Variants in GTF2IRD1 observed in about 807,000 individuals in gnomAD.
GTF2IRD1 encodes the protein GTF2I repeat domain containing 1.
In GTF2IRD1, 26 loss-of-function variants were observed where a neutral mutation model predicts 113.2. The observed-to-expected ratio is 0.23, with a 90% CI of 0.17 to 0.32. The LOEUF is 0.32. Among genes scored for constraint, GTF2IRD1 ranks in the 10% least tolerant of loss-of-function variants. The pLI, the probability that GTF2IRD1 is intolerant of heterozygous loss-of-function variation, is 1.00. For missense variants in GTF2IRD1, 864 were observed against 1,280.8 expected, an observed-to-expected ratio of 0.67 and a Z score of 4.97; for synonymous variants, 484 against 529.1, an observed-to-expected ratio of 0.91 and a Z score of 1.17.
chr7:74,549,640 A>G (rs140182515), intron 17 of GTF2IRD1, among the ~76,000 whole-genome samples: 1 of 152,234 alleles, frequency 6.6e-6, no homozygotes, highest in African/African-American at 2.4e-5. Flanking sequence ...GTCTGGGCAT[A>G]TTAAAAGGAA....
At chr7:74,568,374 C>A (rs1454787806) in intron 22 of GTF2IRD1, among the ~76,000 whole-genome samples, 1 of 139,646 alleles carries the variant, frequency 7.2e-6, no homozygotes, top group Non-Finnish European at 1.5e-5. Context: ...AAGGGCCGGG[C>A]GTGGTGGCTC....
rs1202885978 is a variant in GTF2IRD1 at position 74,568,756 on chromosome 7, CAG to C, written c.2320+9102_2320+9103del. ...GCCTGCTCCTTCTCTCAGGGAGGGA[CAG>C]GGGAGGGTGATGAGTCAGTGGACTA... On this transcript the variant is annotated intron_variant, in intron 22 of 26. Transcript: ENST00000424337. Among the ~76,000 whole-genome samples the C allele has an allele frequency of 5.9e-5, 9 of 152,244 alleles. No individual in the cohort carries two copies. In the East Asian group the frequency reaches 1.4e-3, roughly 23 times the overall value.
At chr7:74,601,423 G>A (rs1027277623) in intron 26 of GTF2IRD1, 2 of 1,472,240 alleles carry the variant, frequency 1.4e-6, no homozygotes, top group East Asian at 2.5e-5. Flanking sequence ...TGGGCAGATG[G>A]GCCGGCTGAG....
chr7:74,462,856 G>A (rs1010712148), intron 1 of GTF2IRD1, among the ~76,000 whole-genome samples: 1 of 152,222 alleles, frequency 6.6e-6, no homozygotes, highest in East Asian at 1.9e-4. Context: ...GCTGCCCTCC[G>A]GGCCTCTGGC....
intron 5 of GTF2IRD1, among the ~76,000 whole-genome samples, chr7:74,518,569 C>T (rs587714774): frequency 2.3e-4 from 35 of 152,276 alleles, no homozygotes; most frequent in African/African-American, 7.2e-4. Context: ...CTTGAAGAGA[C>T]ATGACTTGGG....
At chr7:74,538,851 A>T (rs1798462555) in intron 13 of GTF2IRD1, 91 bp downstream of exon 13, 2 of 730,500 alleles carry the variant, frequency 2.7e-6, no homozygotes, top group Admixed American at 4.4e-5. Flanking sequence ...AGTGGCCTCC[A>T]GGCCGCTGTT....
At chr7:74,549,293 ACT>A (rs1309545712) in intron 17 of GTF2IRD1, among the ~76,000 whole-genome samples, 41 of 141,144 alleles carry the variant, frequency 2.9e-4, no homozygotes, top group African/African-American at 9.1e-4. Context: ...ACAGAGCAAG[ACT>A]CTGTCTCAAA....
intron 5 of GTF2IRD1, 98 bp downstream of exon 5, chr7:74,518,420 G>A: frequency 2.1e-6 from 2 of 949,420 alleles, no homozygotes; most frequent in South Asian, 1.8e-5. Context: ...GAAGGGACTT[G>A]AGATGCCCGT....
chr7:74,567,156 C>T (rs1380343931), intron 22 of GTF2IRD1, among the ~76,000 whole-genome samples: 6 of 151,870 alleles, frequency 4.0e-5, no homozygotes, highest in African/African-American at 1.5e-4. Flanking sequence ...GGTGAAACCC[C>T]GTCTCTACTA....
At chr7:74,535,022 A>C in intron 9 of GTF2IRD1, 91 bp from the exon 10 acceptor site, 1 of 1,049,404 alleles carries the variant, frequency 9.5e-7, no homozygotes, top group Non-Finnish European at 1.5e-6. Context: ...CTCAGTGACC[A>C]TCACCAAAGG....
chr7:74,492,373 T>C lies in GTF2IRD1; in HGVS notation c.-6-15702T>C, dbSNP rs782475679. Among the ~76,000 whole-genome samples the C allele has an allele frequency of 2.4e-4, 36 of 152,004 alleles. 1 individual carries two copies. The highest frequency in any genetic ancestry group is 3.4e-3 in the Middle Eastern group (1 of 294). On this transcript the variant is annotated intron_variant, in intron 1 of 26. Coordinates refer to ENST00000424337, the MANE Select transcript of GTF2IRD1 (RefSeq NM_005685.4). ...TTTTAGTGGAAACTGAGTTTCACCA[T>C]GTTAGCCAGGATGGTCTTGATCTCC...
chr7:74,464,712 T>C (rs1479428258), intron 1 of GTF2IRD1, among the ~76,000 whole-genome samples: 2 of 152,102 alleles, frequency 1.3e-5, no homozygotes, highest in Non-Finnish European at 2.9e-5. Flanking sequence ...CCTCCCAAAG[T>C]GCTGGGATTA....
intron 1 of GTF2IRD1, among the ~76,000 whole-genome samples, chr7:74,454,415 C>G (rs962096695): frequency 2.5e-4 from 38 of 151,616 alleles, no homozygotes; most frequent in Non-Finnish European, 4.3e-4. Context: ...GGGCCGGGAG[C>G]TGGGAGCTGT....
intron 2 of GTF2IRD1, among the ~76,000 whole-genome samples, chr7:74,509,722 G>T (rs533017670): frequency 1.3e-5 from 2 of 151,674 alleles, no homozygotes; most frequent in East Asian, 3.9e-4. Context: ...CGCCAGGCTG[G>T]AGTGCAGTGG....
chr7:74,458,574 C>T (rs1204830427), intron 1 of GTF2IRD1, among the ~76,000 whole-genome samples: 1 of 151,922 alleles, frequency 6.6e-6, no homozygotes. Context: ...GGCAGAGGGG[C>T]TTTGGCCTGT....
chr7:74,547,371 A>C (rs1799005416), intron 17 of GTF2IRD1, 85 bp downstream of exon 17: 12 of 1,094,714 alleles, frequency 1.1e-5, no homozygotes, highest in Non-Finnish European at 1.2e-5. Flanking sequence ...GCCATCAAGC[A>C]ATTCTTGTGC....
At chr7:74,580,673 AGAG>A (rs1281311497) in intron 22 of GTF2IRD1, among the ~76,000 whole-genome samples, 1 of 151,932 alleles carries the variant, frequency 6.6e-6, no homozygotes, top group Non-Finnish European at 1.5e-5. Context: ...TTAAAGAGAG[AGAG>A]GAGACCGAAG....
chr7:74,469,569 T>C (rs149813168), intron 1 of GTF2IRD1, among the ~76,000 whole-genome samples: 156 of 152,322 alleles, frequency 1.0e-3, no homozygotes, highest in Middle Eastern at 0.01. Flanking sequence ...GTGAGTATAA[T>C]GTGTTCAAGG....
intron 22 of GTF2IRD1, among the ~76,000 whole-genome samples, chr7:74,579,489 G>A (rs587633315): frequency 2.6e-5 from 4 of 152,122 alleles, no homozygotes; most frequent in South Asian, 4.1e-4. Flanking sequence ...GTGGTGGCTC[G>A]TGCCGGTAGT....
Sources: allele counts gnomAD v4.1 joint callset (sites outside exome capture counted in the v4.1 genomes callset), GRCh38; gene constraint gnomAD v4.1.1; transcripts MANE v1.5; gene names NCBI Gene and HGNC (gene_info 2026-07-23, HGNC 2026-07-21).